The following UNC5C variants were observed in gnomAD, a reference collection of about 807,000 sequenced individuals.
UNC5C encodes netrin receptor UNC5C.
In UNC5C, 47 loss-of-function variants were observed where a neutral mutation model predicts 99.8. The ratio of observed to expected loss-of-function variants is 0.47; its 90% CI spans 0.37 to 0.60. The LOEUF (loss-of-function observed/expected upper bound fraction) is 0.60, where lower values mean the gene tolerates loss of function less well. Among genes scored for constraint, UNC5C ranks in the 20% least tolerant of loss-of-function variants. UNC5C has a pLI of 0.00. For synonymous variants in UNC5C, 487 were observed against 452.2 expected, an observed-to-expected ratio of 1.08 and a Z score of -0.98; for missense variants, 1,062 against 1,165.9, an observed-to-expected ratio of 0.91 and a Z score of 1.30.
intron 1 of UNC5C, among the ~76,000 whole-genome samples, chr4:95,400,504 T>C (rs1360133112): frequency 6.9e-6 from 1 of 145,804 alleles, no homozygotes; most frequent in East Asian, 2.2e-4. Flanking sequence ...GCCATTTTCC[T>C]GCCTCAGCCT....
chr4:95,362,956 G>C (rs1423519442), intron 1 of UNC5C, among the ~76,000 whole-genome samples: 1 of 151,896 alleles, frequency 6.6e-6, no homozygotes, highest in Non-Finnish European at 1.5e-5. Context: ...ACTACAAAAT[G>C]CAGGGATATC....
At chr4:95,309,635 G>T (rs368315989) in intron 2 of UNC5C, among the ~76,000 whole-genome samples, 5 of 152,042 alleles carry the variant, frequency 3.3e-5, no homozygotes, top group Non-Finnish European at 7.4e-5. Context: ...CAAAAGACAC[G>T]TTTCAAAAGA....
chr4:95,284,682 C>T (rs550300839), intron 3 of UNC5C, among the ~76,000 whole-genome samples: 100 of 152,138 alleles, frequency 6.6e-4, no homozygotes, highest in African/African-American at 2.4e-3. Flanking sequence ...TCCACAAAAG[C>T]AGATGAAAAT....
At chr4:95,477,689 C>A (rs1166484794) in intron 1 of UNC5C, among the ~76,000 whole-genome samples, 1 of 152,020 alleles carries the variant, frequency 6.6e-6, no homozygotes, top group Non-Finnish European at 1.5e-5. Flanking sequence ...CAGCAAACTC[C>A]TGTTACATTT....
chr4:95,178,467 T>C (rs1736462332), intron 14 of UNC5C, among the ~76,000 whole-genome samples: 1 of 139,696 alleles, frequency 7.2e-6, no homozygotes, highest in Non-Finnish European at 1.6e-5. Context: ...ATTTCTTTCT[T>C]TTTGGTGAGA....
intron 1 of UNC5C, among the ~76,000 whole-genome samples, chr4:95,354,495 T>TTTTTTTTAA (rs1560800980): frequency 1.3e-5 from 1 of 78,148 alleles, no homozygotes; most frequent in Non-Finnish European, 2.6e-5. Flanking sequence ...TTTTTTTTTT[T>TTTTTTTTAA]AAGAGACAGG....
chr4:95,260,354 A>G (rs1382222102), intron 4 of UNC5C, among the ~76,000 whole-genome samples: 1 of 152,196 alleles, frequency 6.6e-6, no homozygotes, highest in Non-Finnish European at 1.5e-5. Flanking sequence ...CAATTGAAAC[A>G]AACAGTTCTG....
chr4:95,183,150 ACACC>A, intron 13 of UNC5C, 89 bp from the exon 14 acceptor site: 1 of 1,321,142 alleles, frequency 7.6e-7, no homozygotes, highest in East Asian at 2.3e-5. Flanking sequence ...TCTGAGTATC[ACACC>A]TGTGGCCTCA....
intron 1 of UNC5C, among the ~76,000 whole-genome samples, chr4:95,536,083 T>TA (rs1553907044): frequency 7.2e-3 from 414 of 57,858 alleles, no homozygotes; most frequent in Middle Eastern, 0.024. Context: ...TATATATATA[T>TA]TTTTTTTTTT....
At chr4:95,250,244 TGGTGG>T (rs1371178882) in intron 5 of UNC5C, among the ~76,000 whole-genome samples, 1 of 152,100 alleles carries the variant, frequency 6.6e-6, no homozygotes, top group African/African-American at 2.4e-5. Context: ...GAACCGGGCA[TGGTGG>T]TACATGCCTG....
At chr4:95,525,182 G>C (rs1398479564) in intron 1 of UNC5C, among the ~76,000 whole-genome samples, 1 of 152,150 alleles carries the variant, frequency 6.6e-6, no homozygotes, top group Non-Finnish European at 1.5e-5. Flanking sequence ...GCACTCCCCT[G>C]TGTTGCTGGC....
chr4:95,309,176 T>C (rs1268657008), intron 2 of UNC5C, among the ~76,000 whole-genome samples: 1 of 152,066 alleles, frequency 6.6e-6, no homozygotes, highest in African/African-American at 2.4e-5. Flanking sequence ...GAATACACAA[T>C]GGGGAAAGGA....
At chr4:95,522,100 A>G (rs930238474) in intron 1 of UNC5C, among the ~76,000 whole-genome samples, 1 of 152,144 alleles carries the variant, frequency 6.6e-6, no homozygotes, top group African/African-American at 2.4e-5. Context: ...TCATCTACAA[A>G]TAAGTCCCTG....
At chr4:95,258,137 A>T (rs1350308860) in intron 4 of UNC5C, among the ~76,000 whole-genome samples, 1 of 152,254 alleles carries the variant, frequency 6.6e-6, no homozygotes, top group Non-Finnish European at 1.5e-5. Context: ...TACACTGTAT[A>T]TAAAATTCCA....
chr4:95,215,951 C>A (rs1738232905), intron 10 of UNC5C, 173 bp downstream of exon 10: 2 of 498,390 alleles, frequency 4.0e-6, no homozygotes, highest in Non-Finnish European at 3.5e-6. Context: ...GCGTCTGGAG[C>A]CTCAAAGACA....
chr4:95,271,515 C>T (rs1273586111), intron 4 of UNC5C, among the ~76,000 whole-genome samples: 1 of 152,036 alleles, frequency 6.6e-6, no homozygotes, highest in African/African-American at 2.4e-5. Context: ...AGGCGTGAGC[C>T]ACCGCGCCCG....
intron 1 of UNC5C, among the ~76,000 whole-genome samples, chr4:95,370,537 A>C (rs1054286774): frequency 6.6e-6 from 1 of 152,172 alleles, no homozygotes; most frequent in African/African-American, 2.4e-5. Context: ...TGGCTTTTGC[A>C]AGCAAAATTG....
intron 1 of UNC5C, among the ~76,000 whole-genome samples, chr4:95,537,407 G>A (rs957304721): frequency 3.3e-5 from 5 of 152,180 alleles, no homozygotes; most frequent in Admixed American, 3.3e-4. Context: ...ATACTTTATA[G>A]TGGTGTAAGC....
At chr4:95,529,379 T>A (rs949106884) in intron 1 of UNC5C, among the ~76,000 whole-genome samples, 1 of 148,388 alleles carries the variant, frequency 6.7e-6, no homozygotes, top group Non-Finnish European at 1.5e-5. Context: ...ATAAAAAATA[T>A]ATATATACAA....
Sources: gnomAD v4.1 joint callset for allele counts (sites outside exome capture counted in the v4.1 genomes callset) on GRCh38, gnomAD v4.1.1 for gene constraint, MANE v1.5 for transcripts, NCBI Gene and HGNC (gene_info 2026-07-23, HGNC 2026-07-21) for gene names.